Variants in NMNAT3 observed in about 807,000 individuals in gnomAD.
NMNAT3 encodes the protein nicotinamide nucleotide adenylyltransferase 3.
A neutral mutation model predicts 24.8 loss-of-function variants in NMNAT3; 21 were observed. That is an observed-to-expected ratio of 0.85 (90% CI 0.60 to 1.22). NMNAT3 has a LOEUF of 1.22. Ranked by LOEUF, NMNAT3 falls within the 50% of genes most tolerant of loss-of-function variation. The pLI, the probability that NMNAT3 is intolerant of heterozygous loss-of-function variation, is 0.00. For missense variants in NMNAT3, 387 were observed against 436.6 expected (o/e 0.89, Z 1.01); for synonymous variants, 136 against 155.2 (o/e 0.88, Z 0.92).
In NMNAT3 at chr3:139,600,457, C is replaced by G. The variant is rs905419692; in HGVS notation, c.110-17249G>C. On this transcript the variant is annotated intron_variant, in intron 3 of 6. Transcript: ENST00000643695. ...AGTAGCTGGGATTACAGGCACCCAC[C>G]ACCACGCTGGCTATTTTTTTTGTAT... 4.6e-5 allele frequency among the ~76,000 whole-genome samples: 7 copies of G among 152,070 alleles called. No homozygotes were observed. In the South Asian group the frequency reaches 6.2e-4, roughly 14 times the overall value.
At chr3:139,600,297 A>G (rs1393454818) in intron 3 of NMNAT3, among the ~76,000 whole-genome samples, 3 of 150,616 alleles carry the variant, frequency 2.0e-5, no homozygotes, top group East Asian at 3.9e-4. Context: ...TTGGTCCTGG[A>G]TAGAAAGGAT....
chr3:139,647,966 G>A (rs2056924199), intron 1 of NMNAT3, among the ~76,000 whole-genome samples: 1 of 152,198 alleles, frequency 6.6e-6, no homozygotes, highest in Admixed American at 6.5e-5. Flanking sequence ...GTTCTTTGAT[G>A]ATATTTGGCT....
chr3:139,574,857 T>C lies in NMNAT3; in HGVS notation c.576-1177A>G, dbSNP rs945800018. Among the ~76,000 whole-genome samples, 17 of 152,274 alleles carry C rather than the reference T, an allele frequency of 1.1e-4. No homozygotes were observed. In the South Asian group the frequency reaches 3.3e-3, roughly 30 times the overall value. On this transcript the variant is annotated intron_variant, in intron 5 of 6. Coordinates refer to ENST00000643695, the MANE Select transcript of NMNAT3 (RefSeq NM_001320510.2). Reference sequence around the variant, plus strand: ...GGAAGTGGCCTGCTGCTGATTATAATTGGGAGGCAGCTCAGTGTTAAGTTC... The same window carrying C: ...GGAAGTGGCCTGCTGCTGATTATAACTGGGAGGCAGCTCAGTGTTAAGTTC...
At chr3:139,578,787 C>A (rs1164219569) in intron 5 of NMNAT3, 85 bp downstream of exon 5, 10 of 1,257,180 alleles carry the variant, frequency 8.0e-6, no homozygotes, top group African/African-American at 1.5e-5. Flanking sequence ...CCCAGCCCCA[C>A]AATCTGCCCT....
chr3:139,665,542 C>T (rs1186349534), intron 1 of NMNAT3, among the ~76,000 whole-genome samples: 1 of 152,162 alleles, frequency 6.6e-6, no homozygotes, highest in Admixed American at 6.5e-5. Flanking sequence ...AAGAGGATGA[C>T]CATGCTGGCT....
At chr3:139,618,487 G>C (rs1234411823) in intron 3 of NMNAT3, among the ~76,000 whole-genome samples, 4 of 152,156 alleles carry the variant, frequency 2.6e-5, no homozygotes, top group Non-Finnish European at 4.4e-5. Context: ...GGGAAAGAGT[G>C]CAAGGCCCAA....
At chr3:139,669,316 C>CA (rs1292706892) in intron 1 of NMNAT3, among the ~76,000 whole-genome samples, 2 of 149,954 alleles carry the variant, frequency 1.3e-5, no homozygotes, top group Admixed American at 6.6e-5. Context: ...CTACAAGGTA[C>CA]AAAAAAAAAT....
chr3:139,670,051 G>GT (rs1224147769), intron 1 of NMNAT3, among the ~76,000 whole-genome samples: 1 of 152,146 alleles, frequency 6.6e-6, no homozygotes, highest in East Asian at 1.9e-4. Context: ...CTTATTTAAA[G>GT]TTTTCCATCC....
intron 6 of NMNAT3, among the ~76,000 whole-genome samples, chr3:139,564,684 C>A (rs1936907230): frequency 6.6e-6 from 1 of 152,190 alleles, no homozygotes. Context: ...AATTTGCAAC[C>A]CCAGAGTATA....
chr3:139,674,823 A>G (rs1002556571), intron 1 of NMNAT3, among the ~76,000 whole-genome samples: 3 of 152,078 alleles, frequency 2.0e-5, no homozygotes, highest in Non-Finnish European at 4.4e-5. Context: ...TAAATATAAT[A>G]ATAAGGCAGC....
intron 3 of NMNAT3, among the ~76,000 whole-genome samples, chr3:139,618,237 G>A (rs2055599788): frequency 6.6e-6 from 1 of 152,132 alleles, no homozygotes; most frequent in African/African-American, 2.4e-5. Context: ...TCTTGAGCAC[G>A]GATGACTTTG....
At chr3:139,674,050 A>G (rs1576809446) in intron 1 of NMNAT3, among the ~76,000 whole-genome samples, 1 of 152,162 alleles carries the variant, frequency 6.6e-6, no homozygotes, top group South Asian at 2.1e-4. Context: ...AGGCAGGGAC[A>G]GCAGAGAGGC....
intron 3 of NMNAT3, among the ~76,000 whole-genome samples, chr3:139,587,063 C>G (rs2108146218): frequency 6.6e-6 from 1 of 152,354 alleles, no homozygotes; most frequent in East Asian, 1.9e-4. Flanking sequence ...TGCTTCCCAT[C>G]TGGAATTCTG....
At chr3:139,573,799 A>G in intron 5 of NMNAT3, 119 bp from the exon 6 acceptor site, 1 of 551,482 alleles carries the variant, frequency 1.8e-6, no homozygotes, top group South Asian at 2.9e-5. Context: ...CATTCCACAA[A>G]TATCTGTTGA....
At chr3:139,654,970 T>C (rs2057188880) in intron 1 of NMNAT3, among the ~76,000 whole-genome samples, 1 of 151,962 alleles carries the variant, frequency 6.6e-6, no homozygotes, top group African/African-American at 2.4e-5. Context: ...CTGGCACAAA[T>C]GGAAACACAG....
chr3:139,673,808 G>T (rs1360081176), intron 1 of NMNAT3, among the ~76,000 whole-genome samples: 1 of 152,014 alleles, frequency 6.6e-6, no homozygotes, highest in Non-Finnish European at 1.5e-5. Flanking sequence ...GAGAGAGAGA[G>T]AAACAACGTG....
intron 3 of NMNAT3, among the ~76,000 whole-genome samples, chr3:139,605,261 T>C (rs2054892336): frequency 6.6e-6 from 1 of 152,222 alleles, no homozygotes; most frequent in Non-Finnish European, 1.5e-5. Flanking sequence ...TAGAAATTAT[T>C]GGTTTGTGAA....
intron 3 of NMNAT3, among the ~76,000 whole-genome samples, chr3:139,619,872 A>T (rs1299065388): frequency 6.6e-6 from 1 of 152,142 alleles, no homozygotes; most frequent in East Asian, 1.9e-4. Flanking sequence ...AGGGTACAAA[A>T]TTTTTTCCTA....
Position 139,605,176 on chromosome 3 carries a change from C to T in NMNAT3, c.110-21968G>A, listed in dbSNP as rs889452867. 6.6e-5 allele frequency among the ~76,000 whole-genome samples: 10 copies of T among 152,258 alleles called. 1 individual carries two copies. In the Middle Eastern group the frequency reaches 0.017, roughly 259 times the overall value. On this transcript the variant is annotated intron_variant, in intron 3 of 6. Coordinates refer to ENST00000643695, the MANE Select transcript of NMNAT3 (RefSeq NM_001320510.2). ...GGCAGATCAGCGATGAGTCTGAGGG[C>T]GGCACAAAGGGTGCTACCAGGTGAT...
Sources: allele counts gnomAD v4.1 joint callset (sites outside exome capture counted in the v4.1 genomes callset), GRCh38; gene constraint gnomAD v4.1.1; transcripts MANE v1.5; gene names NCBI Gene and HGNC (gene_info 2026-07-23, HGNC 2026-07-21).